Variants in CREB3L1 observed in about 807,000 individuals in gnomAD.
The protein encoded by CREB3L1 is cAMP responsive element binding protein 3 like 1.
Under a neutral mutation model 54.5 loss-of-function variants are expected in CREB3L1, and 33 were observed. The observed-to-expected ratio is 0.61, with a 90% CI of 0.46 to 0.81. The LOEUF is 0.81. CREB3L1 is among the 30% of genes least tolerant of loss of function. The probability of loss-of-function intolerance (pLI) is 0.00; values close to 1 mark genes in which losing one functional copy is unlikely to be tolerated. For missense variants in CREB3L1, 656 were observed against 673.3 expected, an observed-to-expected ratio of 0.97 and a Z score of 0.29; for synonymous variants, 284 against 286.4, an observed-to-expected ratio of 0.99 and a Z score of 0.08.
At chr11:46,312,763 C>A in intron 7 of CREB3L1, 88 bp from the exon 8 acceptor site, 1 of 1,547,820 alleles carries the variant, frequency 6.5e-7, no homozygotes, top group Non-Finnish European at 8.8e-7. Context: ...GCAGGGGGCA[C>A]AGGGAGTGTG....
At chr11:46,282,118 T>C (rs1938986041) in intron 1 of CREB3L1, among the ~76,000 whole-genome samples, 1 of 152,136 alleles carries the variant, frequency 6.6e-6, no homozygotes, top group African/African-American at 2.4e-5. Flanking sequence ...CAACCGTTGA[T>C]GAATGAATAA....
chr11:46,304,328 C>T (rs1047992330), intron 2 of CREB3L1, among the ~76,000 whole-genome samples: 16 of 152,106 alleles, frequency 1.1e-4, no homozygotes, highest in Admixed American at 9.2e-4. Context: ...CAAAATTAGC[C>T]GGGAGTGGTG....
chr11:46,314,047 G>A (rs957355500), intron 8 of CREB3L1, among the ~76,000 whole-genome samples: 5 of 152,016 alleles, frequency 3.3e-5, no homozygotes, highest in Non-Finnish European at 5.9e-5. Context: ...GACCAGCCTG[G>A]CCAACATGGT....
chr11:46,320,888 T>C lies in CREB3L1; in HGVS notation c.*142T>C. ...AAAGGCTCCACTTCCCAGCCCTTCC[T>C]TGCCCCTGACATTTGGACTCTTCCC... On this transcript the variant is annotated 3_prime_UTR_variant, in exon 12 of 12. Coordinates refer to ENST00000621158, the MANE Select transcript of CREB3L1 (RefSeq NM_052854.4). The C allele has an allele frequency of 1.1e-6, 1 of 885,814 alleles. No individual in the cohort carries two copies. Among genetic ancestry groups the C allele is most frequent in the South Asian group, 1.4e-5 (1 of 70,774 alleles). The allele number at this position is 885,814 out of a possible 1,614,324, so 54.9% of individuals were successfully genotyped here. A position where few individuals can be genotyped will look rare whatever the true frequency, so the allele number is the denominator to read the frequency against.
Position 46,278,006 on chromosome 11 carries a change from G to C in CREB3L1, c.-106G>C. ...TCCCCCGGGGCTTCGCCCCGGACCT[G>C]CCCCCCGCCCGTTTGCCAGCGCTCA... On this transcript the variant is annotated 5_prime_UTR_variant, in exon 1 of 12. Coordinates refer to ENST00000621158, the MANE Select transcript of CREB3L1 (RefSeq NM_052854.4). This position sits in a 1 kb window ranked among gnomAD's most constrained non-coding sequence, Gnocchi z 4.2. 2.0e-6 allele frequency: 1 copy of C among 503,456 alleles called. No individual in the cohort carries two copies. Among genetic ancestry groups the C allele is most frequent in the Non-Finnish European group, 3.2e-6 (1 of 315,900 alleles). 31.2% of individuals were successfully genotyped at this position (503,456 alleles called of 1,614,324 possible).
chr11:46,282,132 G>A (rs563403079), intron 1 of CREB3L1, among the ~76,000 whole-genome samples: 9 of 152,214 alleles, frequency 5.9e-5, no homozygotes, highest in South Asian at 2.1e-4. Flanking sequence ...TGAATAAATC[G>A]ATGGATGGAT....
In CREB3L1 at chr11:46,298,778, C is replaced by A. The variant is rs530222178; in HGVS notation, c.103-1157C>A. 7.2e-5 allele frequency among the ~76,000 whole-genome samples: 11 copies of A among 152,218 alleles called. No homozygotes were observed. The South Asian group carries it at 1.9e-3, about 26-fold the overall frequency. ...GAGAGAGAAAAATAATGTACAAGAACCTACCATATGTCAGCCACTGGAGTG... is the reference window on the plus strand; with the variant it reads ...GAGAGAGAAAAATAATGTACAAGAAACTACCATATGTCAGCCACTGGAGTG... On this transcript the variant is annotated intron_variant, in intron 1 of 11. Transcript: ENST00000621158.
rs1484441068 is a variant in CREB3L1, at chr11:46,278,722, C to A, written c.102+509C>A. 6.6e-6 allele frequency among the ~76,000 whole-genome samples: 1 copy of A among 152,156 alleles called. No individual in the cohort carries two copies. The highest frequency in any genetic ancestry group is 1.5e-5 in the Non-Finnish European group (1 of 68,022). ...ACCCTGGCAGCCCCAGGGAATCAGG[C>A]CCAGAGACCCCCCACCCCAGGGAGG... is the stretch of plus-strand genomic sequence containing the variant. On this transcript the variant is annotated intron_variant, in intron 1 of 11. Transcript: ENST00000621158. This position sits in a 1 kb window ranked among gnomAD's most constrained non-coding sequence, Gnocchi z 4.2.
rs879070508 is a variant in CREB3L1 at position 46,321,392 on chromosome 11, CAA to C, written c.*662_*663del. 0.011 allele frequency: 1,506 copies of C among 136,538 alleles called. No homozygotes were observed. Among genetic ancestry groups the C allele is most frequent in the East Asian group, 0.037 (309 of 8,456 alleles). 8.5% of individuals were successfully genotyped at this position (136,538 alleles called of 1,614,324 possible). ...AGCACATGCTTTAAGAAAGCAAAAC[CAA>C]AAAAAAAAAAAAAAAGATGCAGCAT... is the stretch of plus-strand genomic sequence containing the variant. On this transcript the variant is annotated 3_prime_UTR_variant, in exon 12 of 12. Coordinates refer to ENST00000621158, the MANE Select transcript of CREB3L1 (RefSeq NM_052854.4).
intron 1 of CREB3L1, among the ~76,000 whole-genome samples, chr11:46,292,495 G>A (rs566189885): frequency 6.6e-6 from 1 of 152,292 alleles, no homozygotes; most frequent in Admixed American, 6.5e-5. Flanking sequence ...AGGCAATACG[G>A]CTGGATCATT....
intron 8 of CREB3L1, among the ~76,000 whole-genome samples, chr11:46,314,942 A>G (rs1316606823): frequency 6.6e-6 from 1 of 151,936 alleles, no homozygotes; most frequent in Non-Finnish European, 1.5e-5. Context: ...TCTTGACTTC[A>G]TGTAATCCTC....
rs1590334512 is a variant in CREB3L1 at position 46,277,807 on chromosome 11, C to T, written c.-305C>T. On this transcript the variant is annotated 5_prime_UTR_variant, in exon 1 of 12. Transcript: ENST00000621158. The stretch of plus-strand genomic sequence containing the variant: ...GCTCCTGAAGCCCTCAGCCCCAACC[C>T]CGGGCTCCCCATGGAAGCCAGCTGT... 1 of 298,670 alleles carries T rather than the reference C, an allele frequency of 3.3e-6. No homozygotes were observed. The highest frequency in any genetic ancestry group is 2.2e-5 in the African/African-American group (1 of 46,310). 18.5% of individuals were successfully genotyped at this position (298,670 alleles called of 1,614,324 possible). A position where few individuals can be genotyped will look rare whatever the true frequency, so the allele number is the denominator to read the frequency against.
intron 1 of CREB3L1, among the ~76,000 whole-genome samples, chr11:46,279,511 G>A (rs1156981158): frequency 6.6e-6 from 1 of 152,186 alleles, no homozygotes; most frequent in Non-Finnish European, 1.5e-5. Flanking sequence ...CAGAGGGCTT[G>A]CATTGACTGC....
At chr11:46,302,704 C>T (rs898075962) in intron 2 of CREB3L1, among the ~76,000 whole-genome samples, 2 of 152,270 alleles carry the variant, frequency 1.3e-5, no homozygotes, top group East Asian at 1.9e-4. Flanking sequence ...GAGACTTGGC[C>T]GGGTGCAGTG....
rs1939646711 is a variant in CREB3L1, at chr11:46,321,095, C to T, written c.*349C>T. On this transcript the variant is annotated 3_prime_UTR_variant, in exon 12 of 12. Coordinates refer to ENST00000621158, the MANE Select transcript of CREB3L1 (RefSeq NM_052854.4). ...GCACCCCACTCACAGACACCCCTTACCCCACCCCCACTGTACAGAGACCAA... is the reference window on the plus strand; with the variant it reads ...GCACCCCACTCACAGACACCCCTTATCCCACCCCCACTGTACAGAGACCAA... The T allele has an allele frequency of 1.9e-6, 1 of 536,064 alleles. No individual in the cohort carries two copies. The allele number at this position is 536,064 out of a possible 1,614,324, so 33.2% of individuals were successfully genotyped here. A position where few individuals can be genotyped will look rare whatever the true frequency, so the allele number is the denominator to read the frequency against.
At chr11:46,315,386 A>G in intron 8 of CREB3L1, 1 of 216,342 alleles carries the variant, frequency 4.6e-6, no homozygotes, top group Admixed American at 5.8e-5. Flanking sequence ...TTTGCCCACC[A>G]AGCCTGTGCT....
Position 46,307,954 on chromosome 11 carries a change from C to G in CREB3L1, c.470C>G (p.Pro157Arg), listed in dbSNP as rs757305060. ...GCCGCGGCCGCCATGGCCACCACCC[C>G]GCTGCTGGGCCTCAGCCCCTTGTCC... Reference protein sequence around the residue: ...MAAAAAMATTPLLGLSPLSRL... With the variant: ...MAAAAAMATTRLLGLSPLSRL... The change falls in exon 3 of 12, where the codon CCG (proline) becomes CGG (arginine). Residue 157 changes from proline to arginine, a missense_variant. Physicochemically the swap from Pro to Arg is moderately radical, Grantham distance 103. Coordinates refer to ENST00000621158, the MANE Select transcript of CREB3L1 (RefSeq NM_052854.4). The G allele has an allele frequency of 4.5e-6, 7 of 1,567,002 alleles. No homozygotes were observed. Among genetic ancestry groups the G allele is most frequent in the South Asian group, 3.5e-5 (3 of 84,974 alleles).
At chr11:46,306,410 G>A (rs952893377) in intron 2 of CREB3L1, among the ~76,000 whole-genome samples, 48 of 152,036 alleles carry the variant, frequency 3.2e-4, no homozygotes, top group Non-Finnish European at 4.7e-4. Context: ...AGGCTGTGGC[G>A]GGAGAACCAA....
At chr11:46,306,506 TAAA>T (rs61418557) in intron 2 of CREB3L1, among the ~76,000 whole-genome samples, 4 of 126,760 alleles carry the variant, frequency 3.2e-5, no homozygotes, top group Admixed American at 8.0e-5. Flanking sequence ...CCTGTCTCAA[TAAA>T]AAAAAAAAAA....
Sources: gnomAD v4.1 joint callset for allele counts (sites outside exome capture counted in the v4.1 genomes callset) on GRCh38, gnomAD v4.1.1 for gene constraint, Gnocchi (gnomAD v3.1) non-coding constraint, MANE v1.5 for transcripts, NCBI Gene and HGNC (gene_info 2026-07-23, HGNC 2026-07-21) for gene names.